The following CMPK1 variants were observed in gnomAD, a reference collection of about 807,000 sequenced individuals.
CMPK1 encodes the protein cytidine/uridine monophosphate kinase 1, also known as UMP-CMP kinase.
Under a neutral mutation model 25.7 loss-of-function variants are expected in CMPK1, and 10 were observed. That is an observed-to-expected ratio of 0.39 (90% CI 0.24 to 0.66). CMPK1 has a LOEUF of 0.66. Ranked by LOEUF, CMPK1 falls within the 30% of genes least tolerant of loss-of-function variation. The probability of loss-of-function intolerance (pLI) is 0.48; values close to 1 mark genes in which losing one functional copy is unlikely to be tolerated. For missense variants in CMPK1, 199 were observed against 280.5 expected, an observed-to-expected ratio of 0.71 and a Z score of 2.08; for synonymous variants, 106 against 101.5, an observed-to-expected ratio of 1.04 and a Z score of -0.27.
chr1:47,354,254 A>G (rs894427401), intron 1 of CMPK1, among the ~76,000 whole-genome samples: 3 of 152,196 alleles, frequency 2.0e-5, no homozygotes, highest in Admixed American at 6.5e-5. Flanking sequence ...ACTTGAGCCC[A>G]GGAGGTAAAG....
Position 47,334,116 on chromosome 1 carries a change from G to A in CMPK1, c.171G>A (p.Glu57=), listed in dbSNP as rs755588985. The A allele has an allele frequency of 1.3e-6, 2 of 1,508,340 alleles. No homozygotes were observed. Among genetic ancestry groups the A allele is most frequent in the Non-Finnish European group, 1.8e-6 (2 of 1,125,156 alleles). 93.4% of individuals were successfully genotyped at this position (1,508,340 alleles called of 1,614,324 possible). ...GKGTQCARIV[E]KYGYTHLSAG... is the part of the protein sequence containing the mutation. Reference sequence around the variant, plus strand: ...GGACCCAGTGCGCCCGCATCGTCGAGGTGAGGCCCGGGCAGCAGGCGGGCT... The same window carrying A: ...GGACCCAGTGCGCCCGCATCGTCGAAGTGAGGCCCGGGCAGCAGGCGGGCT... The change falls in exon 1 of 6, where the codon GAG becomes GAA. Residue 57 remains glutamate (E), a splice_region_variant and synonymous_variant. Coordinates refer to ENST00000371873, the MANE Select transcript of CMPK1 (RefSeq NM_016308.3).
intron 1 of CMPK1, among the ~76,000 whole-genome samples, chr1:47,360,977 T>C (rs764311288): frequency 2.0e-4 from 30 of 152,128 alleles, no homozygotes; most frequent in Non-Finnish European, 4.0e-4. Flanking sequence ...GTCTTAAATA[T>C]GAAGCTGGTT....
intron 5 of CMPK1, 148 bp from the exon 6 acceptor site, chr1:47,376,556 T>G: frequency 2.3e-6 from 1 of 442,376 alleles, no homozygotes; most frequent in South Asian, 3.2e-5. Context: ...ACTCAAGTGA[T>G]CTGCCCGCCT....
intron 2 of CMPK1, 112 bp from the exon 3 acceptor site, chr1:47,372,843 C>G: frequency 1.5e-6 from 1 of 667,986 alleles, no homozygotes. Context: ...ACCCTCCACC[C>G]TTTACTTATG....
At chr1:47,375,155 GGATA>G (rs756932122) in intron 4 of CMPK1, 38 bp from the exon 5 acceptor site, 5 of 1,465,434 alleles carry the variant, frequency 3.4e-6, no homozygotes, top group Admixed American at 1.7e-5. Flanking sequence ...GTAGAAGAAA[GGATA>G]GATACCTAGA....
intron 1 of CMPK1, among the ~76,000 whole-genome samples, chr1:47,353,059 A>T (rs1292169511): frequency 6.6e-6 from 1 of 152,216 alleles, no homozygotes; most frequent in Non-Finnish European, 1.5e-5. Flanking sequence ...GCAGTGATTG[A>T]TGTTTTTCTA....
intron 1 of CMPK1, among the ~76,000 whole-genome samples, chr1:47,342,448 C>T (rs999577107): frequency 9.9e-5 from 15 of 152,066 alleles, no homozygotes; most frequent in African/African-American, 3.4e-4. Flanking sequence ...TCCGGAAATA[C>T]CCTCACAGAT....
intron 1 of CMPK1, among the ~76,000 whole-genome samples, chr1:47,351,248 T>G (rs1384523512): frequency 6.6e-6 from 1 of 151,942 alleles, no homozygotes; most frequent in Non-Finnish European, 1.5e-5. Flanking sequence ...CCTGGCTAAA[T>G]TTTTGTATTT....
intron 1 of CMPK1, among the ~76,000 whole-genome samples, chr1:47,356,542 A>G (rs1396819221): frequency 6.6e-6 from 1 of 152,202 alleles, no homozygotes; most frequent in Non-Finnish European, 1.5e-5. Flanking sequence ...TTCATTTAAA[A>G]CAAACCAAAA....
chr1:47,363,190 G>C (rs978604293), intron 1 of CMPK1, among the ~76,000 whole-genome samples: 1 of 152,224 alleles, frequency 6.6e-6, no homozygotes, highest in Non-Finnish European at 1.5e-5. Context: ...AGTATTTTCA[G>C]TTTACGATGG....
intron 1 of CMPK1, among the ~76,000 whole-genome samples, chr1:47,342,463 A>G (rs1286373332): frequency 6.6e-6 from 1 of 152,096 alleles, no homozygotes; most frequent in Non-Finnish European, 1.5e-5. Context: ...ACAGATGATA[A>G]TGTTTACCAG....
chr1:47,360,238 C>T (rs1041698362), intron 1 of CMPK1, among the ~76,000 whole-genome samples: 20 of 152,046 alleles, frequency 1.3e-4, no homozygotes, highest in Admixed American at 6.6e-4. Context: ...TCCATTCCTT[C>T]TAATGTAGGG....
intron 2 of CMPK1, among the ~76,000 whole-genome samples, 151 bp from the exon 3 acceptor site, chr1:47,372,800 CTTTT>C (rs375936386): frequency 2.4e-3 from 199 of 84,238 alleles, no homozygotes; most frequent in African/African-American, 7.4e-3. Flanking sequence ...TTCTTTCTTT[CTTTT>C]TTTCTTTTCT....
rs529020626 is a variant in CMPK1 at position 47,376,886 on chromosome 1, A to G, written c.*141A>G. 40 of 493,552 alleles carry G rather than the reference A, an allele frequency of 8.1e-5. No homozygotes were observed. The highest frequency in any genetic ancestry group is 7.1e-4 in the African/African-American group (36 of 50,408). The allele number at this position is 493,552 out of a possible 1,614,324, so 30.6% of individuals were successfully genotyped here. A position where few individuals can be genotyped will look rare whatever the true frequency, so the allele number is the denominator to read the frequency against. ...GGAAAGTACATGGTAAAACAAAGTA[A>G]ATTTTTTTATGTTCTTTTTTTTGGT... is the stretch of plus-strand genomic sequence containing the variant. On this transcript the variant is annotated 3_prime_UTR_variant, in exon 6 of 6. Coordinates refer to ENST00000371873, the MANE Select transcript of CMPK1 (RefSeq NM_016308.3).
At chr1:47,339,547 C>T (rs1646423643) in intron 1 of CMPK1, among the ~76,000 whole-genome samples, 1 of 151,908 alleles carries the variant, frequency 6.6e-6, no homozygotes, top group East Asian at 1.9e-4. Context: ...AAGTTGAATA[C>T]GTTGGATTCA....
chr1:47,337,111 C>G (rs1177457496), intron 1 of CMPK1, among the ~76,000 whole-genome samples: 1 of 152,026 alleles, frequency 6.6e-6, no homozygotes, highest in Non-Finnish European at 1.5e-5. Flanking sequence ...GGTGAAACCC[C>G]ATCTCTACTA....
At chr1:47,349,891 C>A (rs12135037) in intron 1 of CMPK1, among the ~76,000 whole-genome samples, 1 of 151,436 alleles carries the variant, frequency 6.6e-6, no homozygotes. Flanking sequence ...CTGCAATCTC[C>A]GCCTCCCGGT....
At chr1:47,366,644 T>A (rs936867511) in intron 1 of CMPK1, among the ~76,000 whole-genome samples, 8 of 152,172 alleles carry the variant, frequency 5.3e-5, no homozygotes, top group African/African-American at 1.2e-4. Context: ...AGGTTTGACA[T>A]CTTTATATTC....
chr1:47,378,200 A>T lies in CMPK1; in HGVS notation c.*1455A>T, dbSNP rs1191158399. 3 of 152,192 alleles carry T rather than the reference A, an allele frequency of 2.0e-5. No homozygotes were observed. Among genetic ancestry groups the T allele is most frequent in the African/African-American group, 7.2e-5 (3 of 41,460 alleles). 9.4% of individuals were successfully genotyped at this position (152,192 alleles called of 1,614,324 possible). A position where few individuals can be genotyped will look rare whatever the true frequency, so the allele number is the denominator to read the frequency against. On this transcript the variant is annotated 3_prime_UTR_variant, in exon 6 of 6. Transcript: ENST00000371873. ...TTCACTTAATGATAAATTTTTCAAC[A>T]TACTTGCCATTAGAAAACAAAGTAT...
Sources: allele counts gnomAD v4.1 joint callset (sites outside exome capture counted in the v4.1 genomes callset), GRCh38; gene constraint gnomAD v4.1.1; transcripts MANE v1.5; gene names NCBI Gene and HGNC (gene_info 2026-07-23, HGNC 2026-07-21).